Variants in KCNMB2 observed in about 807,000 individuals in gnomAD.
The protein encoded by KCNMB2 is potassium calcium-activated channel subfamily M regulatory beta subunit 2.
Under a neutral mutation model 24.5 loss-of-function variants are expected in KCNMB2, and 9 were observed. The ratio of observed to expected loss-of-function variants is 0.37; its 90% CI spans 0.22 to 0.64. The LOEUF (loss-of-function observed/expected upper bound fraction) is 0.64, where lower values mean the gene tolerates loss of function less well. Among genes scored for constraint, KCNMB2 ranks in the 30% least tolerant of loss-of-function variants. The pLI is 0.63. For missense variants in KCNMB2, 226 were observed against 284.3 expected, an observed-to-expected ratio of 0.79 and a Z score of 1.47; for synonymous variants, 109 against 104.4, an observed-to-expected ratio of 1.04 and a Z score of -0.27.
At chr3:178,695,254 G>T (rs1368626021) in intron 1 of KCNMB2, among the ~76,000 whole-genome samples, 1 of 152,184 alleles carries the variant, frequency 6.6e-6, no homozygotes, top group South Asian at 2.1e-4. Flanking sequence ...GAGCAGGGGG[G>T]CCCTGGACTC....
chr3:178,577,273 G>A (rs1313457652), intron 1 of KCNMB2, among the ~76,000 whole-genome samples: 1 of 152,192 alleles, frequency 6.6e-6, no homozygotes, highest in Non-Finnish European at 1.5e-5. Flanking sequence ...CTGCAGAAGA[G>A]GGGCCTGACT....
In KCNMB2 at chr3:178,750,256, G is replaced by A. The variant is rs769562948; in HGVS notation, c.-67-57087G>A. Among the ~76,000 whole-genome samples the A allele has an allele frequency of 1.8e-4, 28 of 152,090 alleles. No individual in the cohort carries two copies. In the Middle Eastern group the frequency reaches 0.01, roughly 55 times the overall value. On this transcript the variant is annotated intron_variant, in intron 1 of 4. Coordinates refer to ENST00000452583, the MANE Select transcript of KCNMB2 (RefSeq NM_181361.3). ...TAGAAAATAGGGCATGGTGATGTAG[G>A]TGTTTTGGGAAGGAAAAGAAAAGGA...
At chr3:178,550,542 G>C (rs1343040913) in intron 1 of KCNMB2, among the ~76,000 whole-genome samples, 1 of 149,940 alleles carries the variant, frequency 6.7e-6, no homozygotes, top group African/African-American at 2.5e-5. Flanking sequence ...CATTATTCAA[G>C]AGGTAGGTCA....
intron 1 of KCNMB2, among the ~76,000 whole-genome samples, chr3:178,612,155 G>A (rs1718505477): frequency 6.6e-6 from 1 of 152,164 alleles, no homozygotes; most frequent in Admixed American, 6.5e-5. Flanking sequence ...TGTAAGACTT[G>A]TTTGGTGACC....
At chr3:178,827,026 G>A (rs367796659) in intron 3 of KCNMB2, among the ~76,000 whole-genome samples, 1 of 152,266 alleles carries the variant, frequency 6.6e-6, no homozygotes, top group African/African-American at 2.4e-5. Flanking sequence ...GAGGGGATCA[G>A]GTCTAGTATC....
intron 1 of KCNMB2, among the ~76,000 whole-genome samples, chr3:178,694,249 C>T (rs971093383): frequency 3.9e-5 from 6 of 152,088 alleles, no homozygotes; most frequent in Non-Finnish European, 7.4e-5. Flanking sequence ...TGGGGGAAAC[C>T]GCACCCCTGA....
rs1231285536 is a variant in KCNMB2, at chr3:178,833,229, T to C, written c.423+4856T>C. Among the ~76,000 whole-genome samples the C allele has an allele frequency of 2.0e-5, 3 of 152,120 alleles. No individual in the cohort carries two copies. In the East Asian group the frequency reaches 5.8e-4, roughly 29 times the overall value. On this transcript the variant is annotated intron_variant, in intron 4 of 4. Transcript: ENST00000452583. ...TCCCAACCCAAAGTGAATAGGGGAA[T>C]TATCAAGACCCCAGCTTGATAGGCC...
At chr3:178,750,317 T>C (rs1440606103) in intron 1 of KCNMB2, among the ~76,000 whole-genome samples, 1 of 151,952 alleles carries the variant, frequency 6.6e-6, no homozygotes, top group Non-Finnish European at 1.5e-5. Flanking sequence ...TTCCCACAAA[T>C]GAATCTAAAG....
intron 1 of KCNMB2, among the ~76,000 whole-genome samples, chr3:178,578,639 T>C (rs1717083711): frequency 6.6e-6 from 1 of 152,056 alleles, no homozygotes; most frequent in African/African-American, 2.4e-5. Context: ...GACCAATCAA[T>C]GTGCAAAGAC....
At chr3:178,765,707 A>T (rs988875393) in intron 1 of KCNMB2, among the ~76,000 whole-genome samples, 9 of 141,922 alleles carry the variant, frequency 6.3e-5, no homozygotes, top group African/African-American at 2.5e-4. Context: ...CAAGACTGAA[A>T]CCCTGTACTT....
intron 1 of KCNMB2, among the ~76,000 whole-genome samples, chr3:178,668,636 G>A (rs1037776263): frequency 6.6e-6 from 1 of 152,042 alleles, no homozygotes; most frequent in Non-Finnish European, 1.5e-5. Context: ...TCTGTGCATC[G>A]ATCTAATAGT....
intron 1 of KCNMB2, among the ~76,000 whole-genome samples, chr3:178,700,901 T>C (rs999345126): frequency 1.3e-5 from 2 of 152,248 alleles, no homozygotes; most frequent in African/African-American, 4.8e-5. Context: ...TCCCATTCTG[T>C]AGGTTGCCTG....
intron 1 of KCNMB2, among the ~76,000 whole-genome samples, chr3:178,595,711 C>G: frequency 6.6e-6 from 1 of 152,212 alleles, no homozygotes; most frequent in Middle Eastern, 3.4e-3. Context: ...GCCTCCCCAG[C>G]CATGCTGAGC....
chr3:178,549,335 C>T (rs1715870785), intron 1 of KCNMB2, among the ~76,000 whole-genome samples: 1 of 146,644 alleles, frequency 6.8e-6, no homozygotes, highest in African/African-American at 2.5e-5. Context: ...TCTTGAGATG[C>T]AGTCTCACTC....
At chr3:178,694,244 GA>G (rs1272051302) in intron 1 of KCNMB2, among the ~76,000 whole-genome samples, 1 of 152,120 alleles carries the variant, frequency 6.6e-6, no homozygotes, top group Admixed American at 6.5e-5. Flanking sequence ...CAGAATGGGG[GA>G]AACCGCACCC....
At position 178,842,997 on chromosome 3, in the gene KCNMB2, C is replaced by A; in HGVS notation, c.*60C>A. The A allele has an allele frequency of 7.1e-7, 1 of 1,399,748 alleles. No individual in the cohort carries two copies. The highest frequency in any genetic ancestry group is 9.8e-7 in the Non-Finnish European group (1 of 1,019,418). The allele number at this position is 1,399,748 out of a possible 1,614,324, so 86.7% of individuals were successfully genotyped here. ...TCAAATACTGTTTTCTTTCATTCTTCACCAAAGAACCTTAAGTTTGTAACG... is the reference window on the plus strand; with the variant it reads ...TCAAATACTGTTTTCTTTCATTCTTAACCAAAGAACCTTAAGTTTGTAACG... On this transcript the variant is annotated 3_prime_UTR_variant, in exon 5 of 5. Coordinates refer to ENST00000452583, the MANE Select transcript of KCNMB2 (RefSeq NM_181361.3).
chr3:178,683,250 T>C (rs144743039), intron 1 of KCNMB2, among the ~76,000 whole-genome samples: 105 of 152,032 alleles, frequency 6.9e-4, no homozygotes, highest in African/African-American at 2.5e-3. Context: ...ATGTTCTCAG[T>C]TGTAAGTGGA....
intron 1 of KCNMB2, among the ~76,000 whole-genome samples, chr3:178,761,061 A>C (rs1711853546): frequency 6.6e-6 from 1 of 152,192 alleles, no homozygotes; most frequent in African/African-American, 2.4e-5. Flanking sequence ...GAGACCTTCA[A>C]AGTGGCACAT....
At chr3:178,568,854 TGATAGATAGATA>T (rs5854811) in intron 1 of KCNMB2, among the ~76,000 whole-genome samples, 6 of 80,732 alleles carry the variant, frequency 7.4e-5, no homozygotes, top group East Asian at 3.2e-4. Flanking sequence ...GATAGATAGA[TGATAGATAGATA>T]GATAGATAGA....
Sources: allele counts gnomAD v4.1 joint callset (sites outside exome capture counted in the v4.1 genomes callset), GRCh38; gene constraint gnomAD v4.1.1; transcripts MANE v1.5; gene names NCBI Gene and HGNC (gene_info 2026-07-23, HGNC 2026-07-21).